The following RBMS3 variants were observed in gnomAD, a reference collection of about 807,000 sequenced individuals.
RBMS3 encodes RNA binding motif single stranded interacting protein 3.
Under a neutral mutation model 66.8 loss-of-function variants are expected in RBMS3, and 27 were observed. That is an observed-to-expected ratio of 0.40 (90% CI 0.30 to 0.56). The LOEUF (loss-of-function observed/expected upper bound fraction) is 0.56. Among genes scored for constraint, RBMS3 ranks in the 20% least tolerant of loss-of-function variants. The pLI is 0.40. For missense variants in RBMS3, 513 were observed against 549.5 expected, an observed-to-expected ratio of 0.93 and a Z score of 0.66; for synonymous variants, 188 against 183.0, an observed-to-expected ratio of 1.03 and a Z score of -0.22.
intron 3 of RBMS3, among the ~76,000 whole-genome samples, chr3:29,557,129 A>T (rs963654932): frequency 2.6e-5 from 4 of 152,256 alleles, no homozygotes; most frequent in Non-Finnish European, 5.9e-5. Flanking sequence ...GTATGCTTAC[A>T]GGGAAGTCTG....
chr3:29,928,860 A>G (rs1476940423), intron 10 of RBMS3, among the ~76,000 whole-genome samples: 2 of 151,366 alleles, frequency 1.3e-5, no homozygotes, highest in Non-Finnish European at 2.9e-5. Context: ...CTCCCATAAC[A>G]TATTTGTGAG....
chr3:29,940,694 A>G (rs2149697349), intron 11 of RBMS3, among the ~76,000 whole-genome samples: 1 of 151,690 alleles, frequency 6.6e-6, no homozygotes, highest in Middle Eastern at 3.4e-3. Context: ...TTTCTCTACA[A>G]TTTGCCACCT....
At chr3:29,309,981 G>A (rs73832020) in intron 1 of RBMS3, among the ~76,000 whole-genome samples, 3,075 of 151,712 alleles carry the variant, frequency 0.02, 102 homozygotes, top group African/African-American at 0.07. Context: ...ATGGGTTTGT[G>A]AAAGAGGGAG....
intron 14 of RBMS3, among the ~76,000 whole-genome samples, chr3:30,003,170 C>T (rs1016268953): frequency 6.6e-6 from 1 of 151,972 alleles, no homozygotes; most frequent in Non-Finnish European, 1.5e-5. Flanking sequence ...AGTCATCCTG[C>T]TGGAAGGTTA....
At chr3:30,002,033 T>C (rs772569053) in intron 14 of RBMS3, among the ~76,000 whole-genome samples, 1 of 152,004 alleles carries the variant, frequency 6.6e-6, no homozygotes, top group Admixed American at 6.6e-5. Flanking sequence ...AGCCAGCAAA[T>C]ATGAAGTTGT....
chr3:29,332,409 G>A (rs1288900906), intron 1 of RBMS3, among the ~76,000 whole-genome samples: 1 of 151,978 alleles, frequency 6.6e-6, no homozygotes, highest in Non-Finnish European at 1.5e-5. Context: ...CTCACTCTGT[G>A]TCATCCTCAA....
At position 29,928,211 on chromosome 3, in the gene RBMS3, T is replaced by TATATACAC. The variant is rs1291440563; in HGVS notation, c.940-7874_940-7873insTATACACA. 7.5e-3 allele frequency among the ~76,000 whole-genome samples: 700 copies of TATATACAC among 93,406 alleles called. 8 individuals carry two copies. Among genetic ancestry groups the TATATACAC allele is most frequent in the African/African-American group, 0.015 (353 of 23,608 alleles). 61.3% of individuals were successfully genotyped at this position (93,406 alleles called of 152,430 possible). A position where few individuals can be genotyped will look rare whatever the true frequency, so the allele number is the denominator to read the frequency against. On this transcript the variant is annotated intron_variant, in intron 10 of 14. Transcript: ENST00000383767. ...ATATATATATATATATATATATATA[T>TATATACAC]ACACACACACACACACACACACACA...
chr3:29,439,661 G>A (rs1301513789), intron 2 of RBMS3, among the ~76,000 whole-genome samples: 1 of 151,526 alleles, frequency 6.6e-6, no homozygotes, highest in African/African-American at 2.4e-5. Flanking sequence ...ACAATGTGCA[G>A]GTTAGTTACA....
intron 10 of RBMS3, among the ~76,000 whole-genome samples, chr3:29,902,740 A>G (rs1481327423): frequency 6.6e-6 from 1 of 151,882 alleles, no homozygotes; most frequent in African/African-American, 2.4e-5. Flanking sequence ...GTTTCATTGT[A>G]CAGGAATATA....
intron 12 of RBMS3, among the ~76,000 whole-genome samples, chr3:29,984,868 G>A (rs963925300): frequency 6.6e-6 from 1 of 152,170 alleles, no homozygotes; most frequent in Non-Finnish European, 1.5e-5. Flanking sequence ...CCCACTTGAG[G>A]AGGCAGTCTG....
chr3:29,672,382 CA>C lies in RBMS3; in HGVS notation c.400-67336del. On this transcript the variant is annotated intron_variant, in intron 4 of 14. Transcript: ENST00000383767. ...GCTAGGAAGAAACTTCATCAACTAACAAGCAAAATAACCAGCTAACGTCATA... is the reference window on the plus strand; with the variant it reads ...GCTAGGAAGAAACTTCATCAACTAACAGCAAAATAACCAGCTAACGTCATA... 3.9e-5 allele frequency among the ~76,000 whole-genome samples: 6 copies of C among 152,256 alleles called. No individual in the cohort carries two copies. In the East Asian group the frequency reaches 1.2e-3, roughly 29 times the overall value.
At chr3:29,743,290 T>C (rs1419913333) in intron 5 of RBMS3, among the ~76,000 whole-genome samples, 1 of 152,240 alleles carries the variant, frequency 6.6e-6, no homozygotes, top group African/African-American at 2.4e-5. Flanking sequence ...TTTTCCACTC[T>C]GCTTTTCTCA....
At chr3:29,746,145 ATACTT>A (rs1307092892) in intron 5 of RBMS3, among the ~76,000 whole-genome samples, 2 of 152,250 alleles carry the variant, frequency 1.3e-5, no homozygotes, top group Non-Finnish European at 2.9e-5. Flanking sequence ...TTAAATAACA[ATACTT>A]TATTTGAAGG....
At chr3:29,781,965 C>T (rs138243286) in intron 6 of RBMS3, among the ~76,000 whole-genome samples, 364 of 152,192 alleles carry the variant, frequency 2.4e-3, no homozygotes, top group African/African-American at 8.1e-3. Flanking sequence ...CCTCATCCCC[C>T]ACAGCAGCTG....
intron 10 of RBMS3, among the ~76,000 whole-genome samples, chr3:29,927,590 G>A (rs2060974416): frequency 6.6e-6 from 1 of 152,198 alleles, no homozygotes; most frequent in South Asian, 2.1e-4. Context: ...CCAGAATTTA[G>A]TATTTGATAA....
At chr3:29,627,571 C>T (rs549990471) in intron 4 of RBMS3, among the ~76,000 whole-genome samples, 2 of 152,234 alleles carry the variant, frequency 1.3e-5, no homozygotes, top group African/African-American at 4.8e-5. Context: ...GATACTACTT[C>T]CTCCAGGAAA....
intron 5 of RBMS3, among the ~76,000 whole-genome samples, chr3:29,751,358 C>A (rs539988228): frequency 1.3e-5 from 2 of 152,264 alleles, no homozygotes; most frequent in African/African-American, 4.8e-5. Context: ...CCTTTTATAA[C>A]CTTTTGTAAT....
At chr3:29,385,323 G>T (rs970801539) in intron 1 of RBMS3, among the ~76,000 whole-genome samples, 8 of 152,036 alleles carry the variant, frequency 5.3e-5, no homozygotes, top group Non-Finnish European at 1.2e-4. Flanking sequence ...CCACAGATTT[G>T]TCCACTCCCA....
intron 4 of RBMS3, among the ~76,000 whole-genome samples, chr3:29,734,527 T>G (rs1256887380): frequency 6.6e-6 from 1 of 152,082 alleles, no homozygotes; most frequent in African/African-American, 2.4e-5. Flanking sequence ...ATTTGTACAA[T>G]TATTACTGGC....
Sources: gnomAD v4.1 joint callset for allele counts (sites outside exome capture counted in the v4.1 genomes callset) on GRCh38, gnomAD v4.1.1 for gene constraint, MANE v1.5 for transcripts, NCBI Gene and HGNC (gene_info 2026-07-23, HGNC 2026-07-21) for gene names.